COL19A1: variants seen among roughly 807,000 people sequenced by gnomAD.
COL19A1 encodes the protein collagen alpha-1(XIX) chain.
In COL19A1, 159 loss-of-function variants were observed where a neutral mutation model predicts 190.2. The observed-to-expected ratio is 0.84, with a 90% CI of 0.73 to 0.95. COL19A1 has a LOEUF of 0.95. Ranked by LOEUF, COL19A1 falls within the 40% of genes least tolerant of loss-of-function variation. COL19A1 has a pLI of 0.00. For synonymous variants in COL19A1, 509 were observed against 458.9 expected (o/e 1.11, Z -1.39); for missense variants, 1,418 against 1,431.9 (o/e 0.99, Z 0.16).
intron 49 of COL19A1, among the ~76,000 whole-genome samples, chr6:70,204,366 G>A (rs570356075): frequency 1.3e-5 from 2 of 152,262 alleles, no homozygotes; most frequent in South Asian, 2.1e-4. Context: ...ACGGCTTTAT[G>A]GCAGCCTTCA....
intron 15 of COL19A1, among the ~76,000 whole-genome samples, chr6:70,079,805 A>T (rs1398038139): frequency 6.6e-6 from 1 of 152,202 alleles, no homozygotes; most frequent in Non-Finnish European, 1.5e-5. Context: ...GTGTAAAGAG[A>T]GATGGCATAA....
chr6:69,929,155 T>TACACACACACAC (rs141935825), intron 5 of COL19A1, among the ~76,000 whole-genome samples: 3,582 of 148,628 alleles, frequency 0.024, 73 homozygotes, highest in East Asian at 0.12. Flanking sequence ...TTAAAATAAC[T>TACACACACACAC]ACACACACAC....
intron 49 of COL19A1, among the ~76,000 whole-genome samples, chr6:70,200,245 A>G (rs932256228): frequency 6.6e-6 from 1 of 152,250 alleles, no homozygotes; most frequent in Non-Finnish European, 1.5e-5. Context: ...GGTAACTTGA[A>G]TGTTAAAGAA....
chr6:69,975,987 G>A (rs1342114212), intron 11 of COL19A1, among the ~76,000 whole-genome samples: 5 of 152,114 alleles, frequency 3.3e-5, no homozygotes, highest in Non-Finnish European at 7.4e-5. Flanking sequence ...TTTGTTTTCT[G>A]ACATGGTATT....
At chr6:70,105,439 A>G (rs1363368816) in intron 16 of COL19A1, among the ~76,000 whole-genome samples, 1 of 152,178 alleles carries the variant, frequency 6.6e-6, no homozygotes, top group African/African-American at 2.4e-5. Context: ...TACAGGTGTG[A>G]GCCACCGTGC....
intron 4 of COL19A1, among the ~76,000 whole-genome samples, chr6:69,921,408 T>TC (rs1771832980): frequency 2.1e-5 from 2 of 95,030 alleles, no homozygotes; most frequent in Admixed American, 1.1e-4. Context: ...ATATCATATA[T>TC]ATCATATATC....
intron 18 of COL19A1, among the ~76,000 whole-genome samples, chr6:70,134,267 C>T (rs1238951313): frequency 6.6e-6 from 1 of 152,126 alleles, no homozygotes; most frequent in Non-Finnish European, 1.5e-5. Flanking sequence ...TCTCCCTTGC[C>T]TTACCTTGAA....
intron 11 of COL19A1, among the ~76,000 whole-genome samples, chr6:70,022,198 A>G (rs1367119850): frequency 6.6e-6 from 1 of 152,214 alleles, no homozygotes; most frequent in Non-Finnish European, 1.5e-5. Context: ...AAATATAAAG[A>G]AGAGAATAAG....
intron 2 of COL19A1, among the ~76,000 whole-genome samples, chr6:69,887,651 T>C (rs1769033013): frequency 6.6e-6 from 1 of 152,240 alleles, no homozygotes; most frequent in Admixed American, 6.5e-5. Context: ...TATGTATTAA[T>C]GTTGCAGGAC....
chr6:69,965,846 C>G (rs562474023), intron 11 of COL19A1, among the ~76,000 whole-genome samples: 71 of 152,228 alleles, frequency 4.7e-4, no homozygotes, highest in African/African-American at 1.7e-3. Flanking sequence ...TCCTTGGGCT[C>G]TCCAACAGCA....
At chr6:69,956,545 C>T (rs985020877) in intron 9 of COL19A1, among the ~76,000 whole-genome samples, 1 of 151,810 alleles carries the variant, frequency 6.6e-6, no homozygotes, top group Non-Finnish European at 1.5e-5. Flanking sequence ...TAATGGACTG[C>T]CAACAGTTTA....
In COL19A1 at chr6:70,207,360, G is replaced by GT; in HGVS notation, c.*88dup. ...ACCGTCAAACCCTCATCATCTGTGG[G>GT]TTGCTTTTTTTTTTTTTTTTTTTTT... is the stretch of plus-strand genomic sequence containing the variant. On this transcript the variant is annotated 3_prime_UTR_variant, in exon 51 of 51. Transcript: ENST00000620364. The GT allele has an allele frequency of 1.8e-5, 14 of 759,194 alleles. No homozygotes were observed. Among genetic ancestry groups the GT allele is most frequent in the South Asian group, 4.1e-5 (1 of 24,390 alleles). The allele number at this position is 759,194 out of a possible 1,614,324, so 47.0% of individuals were successfully genotyped here. A position where few individuals can be genotyped will look rare whatever the true frequency, so the allele number is the denominator to read the frequency against.
At chr6:70,008,203 G>A (rs948534959) in intron 11 of COL19A1, among the ~76,000 whole-genome samples, 1 of 151,488 alleles carries the variant, frequency 6.6e-6, no homozygotes, top group Non-Finnish European at 1.5e-5. Flanking sequence ...AAATAAAAAT[G>A]GGAAAAAAAT....
intron 9 of COL19A1, among the ~76,000 whole-genome samples, chr6:69,941,515 A>T (rs1582471132): frequency 6.6e-6 from 1 of 152,190 alleles, no homozygotes; most frequent in Admixed American, 6.5e-5. Flanking sequence ...TCAATTTATT[A>T]GATGTAAAAA....
intron 11 of COL19A1, among the ~76,000 whole-genome samples, chr6:69,984,488 A>G (rs1440700715): frequency 1.3e-5 from 2 of 152,132 alleles, no homozygotes; most frequent in African/African-American, 4.8e-5. Flanking sequence ...CTTCCTTCTA[A>G]TTTTTGTCAG....
intron 14 of COL19A1, among the ~76,000 whole-genome samples, chr6:70,047,412 G>T (rs1582774168): frequency 6.6e-6 from 1 of 152,002 alleles, no homozygotes; most frequent in East Asian, 1.9e-4. Context: ...ATGTATCCAA[G>T]GTCATAATGA....
intron 2 of COL19A1, among the ~76,000 whole-genome samples, chr6:69,883,291 G>A (rs1768689083): frequency 2.0e-5 from 3 of 152,146 alleles, no homozygotes; most frequent in Admixed American, 2.0e-4. Flanking sequence ...AAGCCTGCAA[G>A]GTCAAAGGCT....
chr6:69,897,929 C>T (rs1769901617), intron 2 of COL19A1, among the ~76,000 whole-genome samples: 1 of 151,970 alleles, frequency 6.6e-6, no homozygotes, highest in Admixed American at 6.6e-5. Context: ...TATTTAGAAT[C>T]TGATTTATTT....
chr6:70,209,445 A>G lies in COL19A1; in HGVS notation c.*2171A>G, dbSNP rs1425331236. On this transcript the variant is annotated 3_prime_UTR_variant, in exon 51 of 51. Coordinates refer to ENST00000620364, the MANE Select transcript of COL19A1 (RefSeq NM_001858.6). ...TTTTGGTTTTTGAGTTGTTCTTGTC[A>G]TAGACATAAAAAGACAATTCATTTT... 6.6e-6 allele frequency: 1 copy of G among 152,038 alleles called. No homozygotes were observed. Among genetic ancestry groups the G allele is most frequent in the Non-Finnish European group, 1.5e-5 (1 of 68,010 alleles). 9.4% of individuals were successfully genotyped at this position (152,038 alleles called of 1,614,324 possible). A position where few individuals can be genotyped will look rare whatever the true frequency, so the allele number is the denominator to read the frequency against.
Sources: allele counts gnomAD v4.1 joint callset (sites outside exome capture counted in the v4.1 genomes callset), GRCh38; gene constraint gnomAD v4.1.1; transcripts MANE v1.5; gene names NCBI Gene and HGNC (gene_info 2026-07-23, HGNC 2026-07-21).